The following PHLPP1 variants were observed in gnomAD, a reference collection of about 807,000 sequenced individuals.
PHLPP1 encodes PH domain leucine-rich repeat-containing protein phosphatase 1.
A neutral mutation model predicts 117.2 loss-of-function variants in PHLPP1; 42 were observed. The observed-to-expected ratio is 0.36, with a 90% confidence interval of 0.28 to 0.46. The LOEUF is 0.46. Ranked by LOEUF, PHLPP1 falls within the 20% of genes least tolerant of loss-of-function variation. The pLI, the probability that PHLPP1 is intolerant of heterozygous loss-of-function variation, is 1.00. For synonymous variants in PHLPP1, 1,042 were observed against 970.7 expected, an observed-to-expected ratio of 1.07 and a Z score of -1.37; for missense variants, 2,084 against 2,241.9, an observed-to-expected ratio of 0.93 and a Z score of 1.42.
intron 12 of PHLPP1, 63 bp downstream of exon 12, chr18:62,945,334 T>C: frequency 7.5e-7 from 1 of 1,341,386 alleles, no homozygotes; most frequent in Non-Finnish European, 1.0e-6. Context: ...ACTTCCTAAC[T>C]CATCAACTCA....
chr18:62,926,732 T>A (rs1909637599), intron 10 of PHLPP1, among the ~76,000 whole-genome samples: 1 of 152,166 alleles, frequency 6.6e-6, no homozygotes, highest in South Asian at 2.1e-4. Flanking sequence ...CCCTAGAGAA[T>A]TAGGAAGTGC....
At chr18:62,730,790 C>G (rs958324094) in intron 1 of PHLPP1, among the ~76,000 whole-genome samples, 1 of 70,608 alleles carries the variant, frequency 1.4e-5, no homozygotes, top group Non-Finnish European at 2.9e-5. Context: ...AACTTTGTCT[C>G]AAAAAAAAAA....
intron 10 of PHLPP1, among the ~76,000 whole-genome samples, chr18:62,921,652 A>G (rs2144427656): frequency 6.6e-6 from 1 of 152,340 alleles, no homozygotes; most frequent in Non-Finnish European, 1.5e-5. Context: ...TGTGTAATAA[A>G]TGATAGAGAA....
chr18:62,958,498 C>G (rs1910682233), intron 12 of PHLPP1, 131 bp from the exon 13 acceptor site: 2 of 791,230 alleles, frequency 2.5e-6, no homozygotes, highest in East Asian at 5.4e-5. Flanking sequence ...GATAAGCCTC[C>G]TTTTCCACAT....
intron 13 of PHLPP1, among the ~76,000 whole-genome samples, chr18:62,962,992 T>C (rs940034848): frequency 6.6e-6 from 1 of 152,224 alleles, no homozygotes; most frequent in Non-Finnish European, 1.5e-5. Flanking sequence ...GTTGTTGTTC[T>C]TTCTGAGTAT....
At chr18:62,761,354 C>G (rs796811001) in intron 1 of PHLPP1, among the ~76,000 whole-genome samples, 1 of 151,914 alleles carries the variant, frequency 6.6e-6, no homozygotes, top group African/African-American at 2.4e-5. Flanking sequence ...ATGGTAGGGC[C>G]GGGCGCAGTG....
chr18:62,800,081 C>G (rs1025797460), intron 1 of PHLPP1, among the ~76,000 whole-genome samples: 21 of 152,160 alleles, frequency 1.4e-4, no homozygotes, highest in Non-Finnish European at 8.8e-5. Context: ...CTAGAGCTGA[C>G]TGCACCTTGA....
intron 14 of PHLPP1, among the ~76,000 whole-genome samples, chr18:62,966,392 TATTA>T (rs923005643): frequency 5.9e-5 from 9 of 151,608 alleles, no homozygotes; most frequent in South Asian, 4.1e-4. Context: ...TTTTTCTTTT[TATTA>T]ATTTATATAT....
At chr18:62,966,824 T>C (rs976938164) in intron 14 of PHLPP1, among the ~76,000 whole-genome samples, 1 of 152,234 alleles carries the variant, frequency 6.6e-6, no homozygotes, top group Non-Finnish European at 1.5e-5. Flanking sequence ...CTGCAGGTTA[T>C]AGACCAGTTC....
chr18:62,852,640 G>A (rs1164795642), intron 3 of PHLPP1, among the ~76,000 whole-genome samples: 1 of 152,204 alleles, frequency 6.6e-6, no homozygotes, highest in Non-Finnish European at 1.5e-5. Context: ...ACCATGCCCG[G>A]CAGGTTGACA....
intron 1 of PHLPP1, among the ~76,000 whole-genome samples, chr18:62,754,058 C>T (rs1911938690): frequency 6.6e-6 from 1 of 152,184 alleles, no homozygotes; most frequent in South Asian, 2.1e-4. Context: ...TCCCACCCTG[C>T]TTGTCTTAAA....
Position 62,716,957 on chromosome 18 carries a change from G to A in PHLPP1, c.1274G>A (p.Ser425Asn), listed in dbSNP as rs1210469450. Residue 425 changes from serine to asparagine, a missense_variant, in exon 1 of 17, where the codon AGC becomes AAC. Around this residue, in one of 2 missense-constraint regions of PHLPP1, gnomAD observed 719 missense variants for 636.0 expected, o/e 1.13. Transcript: ENST00000262719. The surrounding 1 kb of genome is among the most constrained non-coding windows in gnomAD (Gnocchi z 5.7). ...CAGAAAGCCCCGAGGGCCATTGACA[G>A]CCCGGGCGGGGCCGTCCGCGAGGGG... ...PQQKAPRAIDSPGGAVREGSC... is the reference protein window; with the variant it reads ...PQQKAPRAIDNPGGAVREGSC... 3 of 1,538,650 alleles carry A rather than the reference G, an allele frequency of 1.9e-6. No individual in the cohort carries two copies. The Admixed American group carries it at 5.9e-5, about 30-fold the overall frequency.
chr18:62,967,646 T>G (rs2144486208), intron 14 of PHLPP1, among the ~76,000 whole-genome samples: 1 of 152,250 alleles, frequency 6.6e-6, no homozygotes, highest in East Asian at 1.9e-4. Context: ...AAATCTTAGT[T>G]TTTATAATAA....
intron 10 of PHLPP1, among the ~76,000 whole-genome samples, chr18:62,938,434 A>G (rs913534280): frequency 6.6e-6 from 1 of 152,222 alleles, no homozygotes; most frequent in African/African-American, 2.4e-5. Context: ...TATTAAACCA[A>G]TTTAAATTGT....
chr18:62,887,999 C>T (rs561568369), intron 4 of PHLPP1, among the ~76,000 whole-genome samples: 16 of 152,282 alleles, frequency 1.1e-4, no homozygotes, highest in Middle Eastern at 6.8e-3. Context: ...CTTTGTTTGC[C>T]TCCCCAAATG....
In PHLPP1 at chr18:62,797,068, T is replaced by C. The variant is rs902121524; in HGVS notation, c.1577-32967T>C. The stretch of plus-strand genomic sequence containing the variant: ...TATTGAACAATAATCAACATTGATC[T>C]TATTTCATATAAATCTTATTTCATA... On this transcript the variant is annotated intron_variant, in intron 1 of 16. Transcript: ENST00000262719. 2.0e-5 allele frequency among the ~76,000 whole-genome samples: 3 copies of C among 152,290 alleles called. No homozygotes were observed. The South Asian group carries it at 6.2e-4, about 32-fold the overall frequency.
intron 4 of PHLPP1, among the ~76,000 whole-genome samples, chr18:62,866,459 G>T (rs996306599): frequency 1.3e-5 from 2 of 151,864 alleles, no homozygotes; most frequent in African/African-American, 4.8e-5. Context: ...TGGCCAGGCT[G>T]GTCTCAAACT....
chr18:62,922,004 A>G (rs1027192730), intron 10 of PHLPP1, among the ~76,000 whole-genome samples: 3 of 152,266 alleles, frequency 2.0e-5, no homozygotes, highest in Admixed American at 2.0e-4. Context: ...CAATAGAACT[A>G]TGAGAAAATG....
At chr18:62,931,996 A>G (rs548341412) in intron 10 of PHLPP1, among the ~76,000 whole-genome samples, 1 of 152,164 alleles carries the variant, frequency 6.6e-6, no homozygotes, top group South Asian at 2.1e-4. Flanking sequence ...AAATATCTCT[A>G]CACACACAAA....
Sources: gnomAD v4.1 joint callset for allele counts (sites outside exome capture counted in the v4.1 genomes callset) on GRCh38, gnomAD v4.1.1 for gene constraint, gnomAD v4.1.1 regional missense constraint, Gnocchi (gnomAD v3.1) non-coding constraint, MANE v1.5 for transcripts, NCBI Gene and HGNC (gene_info 2026-07-23, HGNC 2026-07-21) for gene names.